ZSCAN9: variants seen among roughly 807,000 people sequenced by gnomAD.
ZSCAN9 encodes the protein zinc finger and SCAN domain-containing protein 9.
Under a neutral mutation model 23.0 loss-of-function variants are expected in ZSCAN9, and 19 were observed. The observed-to-expected ratio is 0.83, with a 90% CI of 0.58 to 1.21. The LOEUF is 1.21. Among genes scored for constraint, ZSCAN9 ranks in the 50% most tolerant of loss-of-function variants. The pLI is 0.00. For missense variants in ZSCAN9, 467 were observed against 471.5 expected, an observed-to-expected ratio of 0.99 and a Z score of 0.09; for synonymous variants, 155 against 164.8, an observed-to-expected ratio of 0.94 and a Z score of 0.46.
chr6:28,227,220 C>G lies in ZSCAN9; in HGVS notation c.136C>G (p.Leu46Val), dbSNP rs904579861. 1 of 1,614,246 alleles carries G rather than the reference C, an allele frequency of 6.2e-7. No individual in the cohort carries two copies. Among genetic ancestry groups the G allele is most frequent in the South Asian group, 1.1e-5 (1 of 91,090 alleles). ...QESRLKRSNPLAREIFRRHFR... is the reference protein window; with the variant it reads ...QESRLKRSNPVAREIFRRHFR... The stretch of plus-strand genomic sequence containing the variant: ...ATCCAGACTGAAACGCAGTAATCCA[C>G]TGGCAAGGGAAATCTTCCGAAGGCA... The change falls in exon 2 of 4, where the codon CTG becomes GTG. Residue 46 changes from leucine (L) to valine (V), a missense_variant. By Grantham distance (32) the Leu-to-Val change is conservative. Coordinates refer to ENST00000252207, the MANE Select transcript of ZSCAN9 (RefSeq NM_006299.5).
intron 1 of ZSCAN9, among the ~76,000 whole-genome samples, chr6:28,225,988 A>G (rs1158347035): frequency 6.6e-6 from 1 of 152,200 alleles, no homozygotes; most frequent in Non-Finnish European, 1.5e-5. Flanking sequence ...CATTTTGGGA[A>G]CACCCCCATG....
chr6:28,233,376 A>T lies in ZSCAN9; in HGVS notation c.*198A>T. On this transcript the variant is annotated 3_prime_UTR_variant, in exon 4 of 4. Coordinates refer to ENST00000252207, the MANE Select transcript of ZSCAN9 (RefSeq NM_006299.5). ...CTTTTGTTCATTTTACCTCTTTCTT[A>T]CTCTTACTAGCTGTGTCCCTCTTAT... 1.2e-6 allele frequency: 1 copy of T among 823,306 alleles called. No homozygotes were observed. Among genetic ancestry groups the T allele is most frequent in the South Asian group, 2.4e-5 (1 of 41,734 alleles). 51.0% of individuals were successfully genotyped at this position (823,306 alleles called of 1,614,324 possible). A position where few individuals can be genotyped will look rare whatever the true frequency, so the allele number is the denominator to read the frequency against.
rs1295272496 is a variant in ZSCAN9 at position 28,233,092 on chromosome 6, C to T, written c.1099C>T (p.Gln367Ter). The change falls in exon 4 of 4, where the codon CAG becomes TAG. Residue 367 changes from glutamine to a stop codon, truncating the protein, a stop_gained. Coordinates refer to ENST00000252207, the MANE Select transcript of ZSCAN9 (RefSeq NM_006299.5). LOFTEE classifies it low-confidence loss of function (END_TRUNC). ...QRSHTGERPH[Q>*]CIECGKSFNR... ...AAGCCACACAGGGGAGCGACCTCAC[C>T]AGTGCATTGAATGTGGGAAAAGCTT... 6.2e-7 allele frequency: 1 copy of T among 1,613,946 alleles called. No homozygotes were observed. Among genetic ancestry groups the T allele is most frequent in the African/African-American group, 1.3e-5 (1 of 74,874 alleles).
In ZSCAN9 at chr6:28,225,863, G is replaced by A. The variant is rs960027894; in HGVS notation, c.-74+497G>A. On this transcript the variant is annotated intron_variant, in intron 1 of 3. Coordinates refer to ENST00000252207, the MANE Select transcript of ZSCAN9 (RefSeq NM_006299.5). The stretch of plus-strand genomic sequence containing the variant: ...GGAGCCCGTTAAAGGGCATATTCTG[G>A]GTCTCCCTGTACTTCTCTCCACCTC... 2.6e-5 allele frequency among the ~76,000 whole-genome samples: 4 copies of A among 152,246 alleles called. No individual in the cohort carries two copies. The East Asian group carries it at 5.8e-4, about 22-fold the overall frequency.
chr6:28,229,713 A>G (rs1760231680), intron 3 of ZSCAN9, among the ~76,000 whole-genome samples: 1 of 152,206 alleles, frequency 6.6e-6, no homozygotes, highest in Admixed American at 6.5e-5. Context: ...AAAAATCCAA[A>G]TAATACAAAA....
In ZSCAN9 at chr6:28,226,452, A is replaced by G. The variant is rs138921156; in HGVS notation, c.-73-560A>G. ...TCTCTAAGTTGATGTTTATACAGTG[A>G]GTTCAAACTTTTTATTCAGACTTTC... On this transcript the variant is annotated intron_variant, in intron 1 of 3. Coordinates refer to ENST00000252207, the MANE Select transcript of ZSCAN9 (RefSeq NM_006299.5). Among the ~76,000 whole-genome samples the G allele has an allele frequency of 1.8e-3, 278 of 152,358 alleles. 2 individuals are homozygous for G. The highest frequency in any genetic ancestry group is 6.4e-3 in the African/African-American group (265 of 41,584).
chr6:28,233,246 T>A lies in ZSCAN9; in HGVS notation c.*68T>A. 1 of 1,539,842 alleles carries A rather than the reference T, an allele frequency of 6.5e-7. No individual in the cohort carries two copies. The highest frequency in any genetic ancestry group is 8.7e-7 in the Non-Finnish European group (1 of 1,145,948). ...TGTGGGGCAGGTTGAGACTAGAAAA[T>A]GCCTCTTTCTTCCTTTCTCCATGAA... is the stretch of plus-strand genomic sequence containing the variant. On this transcript the variant is annotated 3_prime_UTR_variant, in exon 4 of 4. Coordinates refer to ENST00000252207, the MANE Select transcript of ZSCAN9 (RefSeq NM_006299.5).
At position 28,232,581 on chromosome 6, in the gene ZSCAN9, G is replaced by A. The variant is rs948992195; in HGVS notation, c.588G>A (p.Glu196=). The A allele has an allele frequency of 1.2e-6, 2 of 1,613,542 alleles. No homozygotes were observed. Among genetic ancestry groups the A allele is most frequent in the Admixed American group, 1.7e-5 (1 of 60,016 alleles). The change falls in exon 4 of 4, where the codon GAG becomes GAA. Residue 196 remains glutamate (E), a synonymous_variant. Coordinates refer to ENST00000252207, the MANE Select transcript of ZSCAN9 (RefSeq NM_006299.5). The stretch of plus-strand genomic sequence containing the variant: ...TTTCAGATGAAGTAACCAAGACTGA[G>A]GACAGAGAGTTGGTGCTAAGGAAAG... ...IGETDEVTKT[E]DRELVLRKDC...
Position 28,227,792 on chromosome 6 carries a change from C to T in ZSCAN9, c.523C>T (p.Leu175Phe). ...TCAGTCCCAGCCTAAGGAGCCACAG[C>T]TCACATGTGACTCTGCTCAGAAGTG... The part of the protein sequence containing the change: ...TLQSQPKEPQ[L>F]TCDSAQKCHS... The change falls in exon 3 of 4, where the codon CTC becomes TTC. Residue 175 changes from leucine (L) to phenylalanine (F), a missense_variant. Transcript: ENST00000252207. 4 of 1,613,576 alleles carry T rather than the reference C, an allele frequency of 2.5e-6. No homozygotes were observed. The highest frequency in any genetic ancestry group is 3.4e-6 in the Non-Finnish European group (4 of 1,179,864).
rs183747743 is a variant in ZSCAN9 at position 28,230,252 on chromosome 6, A to G, written c.569-2310A>G. Reference sequence around the variant, plus strand: ...TATATCTGAAAGTGCTTCATAAGTCATGAAAGTTGTATAAATGGTAATCAT... The same window carrying G: ...TATATCTGAAAGTGCTTCATAAGTCGTGAAAGTTGTATAAATGGTAATCAT... On this transcript the variant is annotated intron_variant, in intron 3 of 3. Transcript: ENST00000252207. The G allele has an allele frequency of 3.7e-4, 465 of 1,260,374 alleles. 6 individuals are homozygous for G. In the Admixed American group the frequency reaches 0.012, roughly 34 times the overall value. 78.1% of individuals were successfully genotyped at this position (1,260,374 alleles called of 1,614,324 possible).
Position 28,232,892 on chromosome 6 carries a change from A to G in ZSCAN9, c.899A>G (p.His300Arg), listed in dbSNP as rs1248145810. The G allele has an allele frequency of 6.2e-7, 1 of 1,614,168 alleles. No homozygotes were observed. The highest frequency in any genetic ancestry group is 8.5e-7 in the Non-Finnish European group (1 of 1,180,044). ...AGTCGAAGTTCTGGTCTTTTTAATCACCGAGGAATCCACAATATACAGAAA... is the reference window on the plus strand; with the variant it reads ...AGTCGAAGTTCTGGTCTTTTTAATCGCCGAGGAATCCACAATATACAGAAA... ...AFSRSSGLFNHRGIHNIQKRY... is the reference protein window; with the variant it reads ...AFSRSSGLFNRRGIHNIQKRY... The change falls in exon 4 of 4, where the codon CAC becomes CGC. Residue 300 changes from histidine to arginine, a missense_variant. By Grantham distance (29) the His-to-Arg change is conservative. Coordinates refer to ENST00000252207, the MANE Select transcript of ZSCAN9 (RefSeq NM_006299.5).
At chr6:28,231,068 C>T (rs1019065174) in intron 3 of ZSCAN9, among the ~76,000 whole-genome samples, 3 of 152,130 alleles carry the variant, frequency 2.0e-5, no homozygotes, top group African/African-American at 7.2e-5. Context: ...TGCCTGAAAC[C>T]AAGGGTAATA....
intron 3 of ZSCAN9, among the ~76,000 whole-genome samples, chr6:28,231,759 C>G (rs562541459): frequency 6.7e-4 from 101 of 151,864 alleles, no homozygotes; most frequent in African/African-American, 2.3e-3. Context: ...TTGTTTGCCT[C>G]TGGAATCTTC....
chr6:28,229,587 A>AT (rs1760227790), intron 3 of ZSCAN9, among the ~76,000 whole-genome samples: 1 of 152,318 alleles, frequency 6.6e-6, no homozygotes, highest in Non-Finnish European at 1.5e-5. Flanking sequence ...ATATTATAAA[A>AT]CAACATAGTG....
rs909773560 is a variant in ZSCAN9, at chr6:28,233,073, C to G, written c.1080C>G (p.His360Gln). The change falls in exon 4 of 4, where the codon CAC (histidine) becomes CAG (glutamine). Residue 360 changes from histidine to glutamine, a missense_variant. Coordinates refer to ENST00000252207, the MANE Select transcript of ZSCAN9 (RefSeq NM_006299.5). Reference sequence around the variant, plus strand: ...TTCTCATTGAACATCAGAGAAGCCACACAGGGGAGCGACCTCACCAGTGCA... The same window carrying G: ...TTCTCATTGAACATCAGAGAAGCCAGACAGGGGAGCGACCTCACCAGTGCA... ...RSFLIEHQRS[H>Q]TGERPHQCIE... 1 of 1,614,180 alleles carries G rather than the reference C, an allele frequency of 6.2e-7. No homozygotes were observed. The highest frequency in any genetic ancestry group is 8.5e-7 in the Non-Finnish European group (1 of 1,180,032).
intron 3 of ZSCAN9, chr6:28,228,056 T>C: frequency 1.4e-6 from 1 of 706,754 alleles, no homozygotes; most frequent in Non-Finnish European, 2.6e-6. Context: ...GGACTTCTGA[T>C]GCATGGTACA....
chr6:28,226,708 A>G (rs1581560135), intron 1 of ZSCAN9, among the ~76,000 whole-genome samples: 1 of 152,126 alleles, frequency 6.6e-6, no homozygotes, highest in Non-Finnish European at 1.5e-5. Context: ...TGGGAGGATC[A>G]CTTAAACCCA....
rs938866765 is a variant in ZSCAN9 at position 28,225,336 on chromosome 6, C to A, written c.-104C>A. On this transcript the variant is annotated 5_prime_UTR_variant, in exon 1 of 4. Coordinates refer to ENST00000252207, the MANE Select transcript of ZSCAN9 (RefSeq NM_006299.5). ...CTTCTAGCAACGCCGGGCCGGTAAC[C>A]CCCTCTCCCTCCTTGCGCGTTCCGG... 4 of 152,182 alleles carry A rather than the reference C, an allele frequency of 2.6e-5. No individual in the cohort carries two copies. Among genetic ancestry groups the A allele is most frequent in the Admixed American group, 1.3e-4 (2 of 15,278 alleles). The allele number at this position is 152,182 out of a possible 1,614,324, so 9.4% of individuals were successfully genotyped here. A position where few individuals can be genotyped will look rare whatever the true frequency, so the allele number is the denominator to read the frequency against.
rs1760161923 is a variant in ZSCAN9, at chr6:28,227,705, C to G, written c.436C>G (p.His146Asp). ...TTGTCCCCAGATGGTGGCCCACAGA[C>G]ACAGACAAGAAGTCCTCTGTAAAGA... ...EPQHEMVAHRHRQEVLCKEMV... is the reference protein window; with the variant it reads ...EPQHEMVAHRDRQEVLCKEMV... Residue 146 changes from histidine to aspartate, a missense_variant, in exon 3 of 4, where the codon CAC becomes GAC. By Grantham distance (81) the His-to-Asp change is moderately conservative (BLOSUM62 -1). Coordinates refer to ENST00000252207, the MANE Select transcript of ZSCAN9 (RefSeq NM_006299.5). The G allele has an allele frequency of 6.3e-7, 1 of 1,598,288 alleles. No individual in the cohort carries two copies. Among genetic ancestry groups the G allele is most frequent in the Non-Finnish European group, 8.5e-7 (1 of 1,176,354 alleles).
Sources: allele counts gnomAD v4.1 joint callset (sites outside exome capture counted in the v4.1 genomes callset), GRCh38; gene constraint gnomAD v4.1.1; transcripts MANE v1.5; gene names NCBI Gene and HGNC (gene_info 2026-07-23, HGNC 2026-07-21).